CLIC5: variants seen among roughly 807,000 people sequenced by gnomAD.
CLIC5 encodes the protein chloride intracellular channel protein 5.
CLIC5 carries 20 observed loss-of-function variants against 24.7 expected under a neutral mutation model. The ratio of observed to expected loss-of-function variants is 0.81; its 90% CI spans 0.57 to 1.18. The LOEUF (loss-of-function observed/expected upper bound fraction) is 1.18. Ranked by LOEUF, CLIC5 falls within the 50% of genes most tolerant of loss-of-function variation. The probability of loss-of-function intolerance (pLI) is 0.00; values close to 1 mark genes in which losing one functional copy is unlikely to be tolerated. For synonymous variants in CLIC5, 159 were observed against 135.6 expected, an observed-to-expected ratio of 1.17 and a Z score of -1.20; for missense variants, 341 against 326.1, an observed-to-expected ratio of 1.05 and a Z score of -0.35.
At chr6:46,112,876 G>A in the CLIC5 span, among the ~76,000 whole-genome samples, 1 of 152,270 alleles carries the variant, frequency 6.6e-6, no homozygotes, top group East Asian at 1.9e-4. Flanking sequence ...GGCCAACATG[G>A]TGAAACCCCA....
At chr6:46,106,929 A>G in the CLIC5 span, among the ~76,000 whole-genome samples, 1 of 152,248 alleles carries the variant, frequency 6.6e-6, no homozygotes, top group African/African-American at 2.4e-5. Context: ...TAATGGTCTC[A>G]TGACTAAAAT....
At chr6:45,952,275 A>G (rs1764497278) in intron 2 of CLIC5, among the ~76,000 whole-genome samples, 1 of 152,210 alleles carries the variant, frequency 6.6e-6, no homozygotes, top group African/African-American at 2.4e-5. Context: ...CAGTATTTAT[A>G]GTTGAGACTA....
chr6:45,974,008 G>C (rs1765292106), intron 1 of CLIC5, among the ~76,000 whole-genome samples: 1 of 152,078 alleles, frequency 6.6e-6, no homozygotes, highest in Non-Finnish European at 1.5e-5. Flanking sequence ...TTAAAAGCAT[G>C]AGTTTGATTC....
At position 45,883,182 on chromosome 6, in the gene CLIC5, G is replaced by A. The variant is rs143704939; in HGVS notation, c.624-1994C>T. Among the ~76,000 whole-genome samples the A allele has an allele frequency of 1.1e-4, 17 of 152,356 alleles. No homozygotes were observed. The East Asian group carries it at 3.3e-3, about 29-fold the overall frequency. The stretch of plus-strand genomic sequence containing the variant: ...ATATTCCACAGGAACGAGTTCCACA[G>A]TGGGGGTGGGGTGGAGCATTGAGAA... On this transcript the variant is annotated intron_variant, in intron 6 of 6. Coordinates refer to the CLIC5 transcript ENST00000644324.
intron 6 of CLIC5, among the ~76,000 whole-genome samples, chr6:45,889,055 C>T (rs1373536069): frequency 6.6e-6 from 1 of 152,026 alleles, no homozygotes; most frequent in South Asian, 2.1e-4. Context: ...GGAGGTGATC[C>T]CTATATACCT....
At chr6:46,088,475 T>C in the CLIC5 span, among the ~76,000 whole-genome samples, 1 of 152,170 alleles carries the variant, frequency 6.6e-6, no homozygotes, top group African/African-American at 2.4e-5. Flanking sequence ...GTATTTTATA[T>C]CAAGAAGATT....
intron 6 of CLIC5, among the ~76,000 whole-genome samples, chr6:45,882,000 T>C (rs1475262654): frequency 7.4e-5 from 11 of 149,252 alleles, no homozygotes; most frequent in Non-Finnish European, 1.6e-4. Context: ...AAAAGTGATG[T>C]GAATCAACTC....
At chr6:45,912,829 C>T in intron 5 of CLIC5, 1 of 920,012 alleles carries the variant, frequency 1.1e-6, no homozygotes, top group South Asian at 1.4e-5. Context: ...CTACAAGTGA[C>T]TATTGGCTTG....
the CLIC5 span, among the ~76,000 whole-genome samples, chr6:46,086,502 C>T: frequency 1.3e-5 from 2 of 152,222 alleles, no homozygotes; most frequent in Non-Finnish European, 2.9e-5. Context: ...GAGAGTAATC[C>T]TGATTGGATG....
At chr6:46,061,470 C>T (rs1581910750) in intron 1 of CLIC5, among the ~76,000 whole-genome samples, 1 of 152,206 alleles carries the variant, frequency 6.6e-6, no homozygotes, top group African/African-American at 2.4e-5. Context: ...GGAATACAGG[C>T]GTGAGCCACC....
At chr6:46,010,667 G>A (rs1370231054) in intron 1 of CLIC5, among the ~76,000 whole-genome samples, 1 of 152,206 alleles carries the variant, frequency 6.6e-6, no homozygotes, top group Non-Finnish European at 1.5e-5. Context: ...GTGGACGTCA[G>A]CTTCTGCAGA....
the CLIC5 span, among the ~76,000 whole-genome samples, chr6:46,121,291 A>G: frequency 6.6e-6 from 1 of 152,240 alleles, no homozygotes; most frequent in African/African-American, 2.4e-5. Flanking sequence ...ATTCTTAAAG[A>G]AAAGAATTTT....
intron 1 of CLIC5, among the ~76,000 whole-genome samples, chr6:46,030,178 A>G (rs1012164027): frequency 2.0e-5 from 3 of 152,276 alleles, no homozygotes; most frequent in South Asian, 2.1e-4. Flanking sequence ...TTTCCAAGAT[A>G]GTGCACTACC....
At chr6:45,912,850 C>A in intron 5 of CLIC5, 1 of 741,772 alleles carries the variant, frequency 1.3e-6, no homozygotes, top group South Asian at 1.5e-5. Context: ...GCCCCAAATC[C>A]AAAATGTTCT....
chr6:45,949,034 C>G (rs114470594), intron 3 of CLIC5, among the ~76,000 whole-genome samples: 1 of 152,160 alleles, frequency 6.6e-6, no homozygotes, highest in African/African-American at 2.4e-5. Context: ...GTGACTGGCT[C>G]TTGTTCATAG....
chr6:45,944,297 T>G (rs185515803), intron 3 of CLIC5, among the ~76,000 whole-genome samples: 2 of 152,268 alleles, frequency 1.3e-5, no homozygotes, highest in African/African-American at 4.8e-5. Flanking sequence ...AAGTAAAATA[T>G]TATTGAAACA....
chr6:45,984,077 A>G (rs191512959), intron 1 of CLIC5, among the ~76,000 whole-genome samples: 15 of 152,206 alleles, frequency 9.9e-5, no homozygotes, highest in African/African-American at 3.1e-4. Context: ...TCAAGAAAAG[A>G]GTCAAAGAGA....
chr6:46,004,711 G>A (rs1193251656), intron 1 of CLIC5, among the ~76,000 whole-genome samples: 2 of 152,132 alleles, frequency 1.3e-5, no homozygotes, highest in Non-Finnish European at 2.9e-5. Flanking sequence ...TAATAATCCT[G>A]CCACACAGAT....
At position 45,958,445 on chromosome 6, in the gene CLIC5, T is replaced by TACACACACACACACAC. The variant is rs1414421064; in HGVS notation, c.64-3202_64-3201insGTGTGTGTGTGTGTGT. Among the ~76,000 whole-genome samples the TACACACACACACACAC allele has an allele frequency of 1.3e-3, 100 of 76,412 alleles. 2 individuals are homozygous for TACACACACACACACAC. Among genetic ancestry groups the TACACACACACACACAC allele is most frequent in the South Asian group, 3.2e-3 (6 of 1,872 alleles). 50.1% of individuals were successfully genotyped at this position (76,412 alleles called of 152,430 possible). On this transcript the variant is annotated intron_variant, in intron 1 of 5. Transcript: ENST00000339561. The stretch of plus-strand genomic sequence containing the variant: ...AATTATATATATATATATATATATA[T>TACACACACACACACAC]ATATATATATATATATATATATATA...
Sources: allele counts gnomAD v4.1 joint callset (sites outside exome capture counted in the v4.1 genomes callset), GRCh38; gene constraint gnomAD v4.1.1; transcripts MANE v1.5; gene names NCBI Gene and HGNC (gene_info 2026-07-23, HGNC 2026-07-21).